The following FLT1 variants were observed in gnomAD, a reference collection of about 807,000 sequenced individuals.
FLT1 encodes vascular endothelial growth factor receptor 1.
In FLT1, 49 loss-of-function variants were observed where a neutral mutation model predicts 156.3. That is an observed-to-expected ratio of 0.31 (90% CI 0.25 to 0.40). FLT1 has a LOEUF of 0.40. FLT1 is among the 10% of genes least tolerant of loss of function. The pLI is 1.00. For missense variants in FLT1, 1,322 were observed against 1,637.2 expected, an observed-to-expected ratio of 0.81 and a Z score of 3.32; for synonymous variants, 594 against 583.8, an observed-to-expected ratio of 1.02 and a Z score of -0.25.
At chr13:28,438,942 T>C (rs1430741926) in intron 3 of FLT1, among the ~76,000 whole-genome samples, 4 of 152,214 alleles carry the variant, frequency 2.6e-5, no homozygotes, top group African/African-American at 9.6e-5. Context: ...GGAGAAGCTG[T>C]GTTGAATGCT....
rs539432822 is a variant in FLT1 at position 28,389,229 on chromosome 13, T to C, written c.1969+567A>G. 1.6e-4 allele frequency: 179 copies of C among 1,114,928 alleles called. No individual in the cohort carries two copies. In the South Asian group the frequency reaches 7.1e-3, roughly 44 times the overall value. 69.1% of individuals were successfully genotyped at this position (1,114,928 alleles called of 1,614,324 possible). On this transcript the variant is annotated intron_variant, in intron 13 of 29. Coordinates refer to ENST00000282397, the MANE Select transcript of FLT1 (RefSeq NM_002019.4). Reference sequence around the variant, plus strand: ...ATTTACAAATCAAGAGCAGATGAAATAGTCCCAAATAAAACCAGGCAGAAG... The same window carrying C: ...ATTTACAAATCAAGAGCAGATGAAACAGTCCCAAATAAAACCAGGCAGAAG...
rs2137622852 is a variant in FLT1, at chr13:28,467,132, G to A, written c.162-3C>T. 2 of 1,608,388 alleles carry A rather than the reference G, an allele frequency of 1.2e-6. No homozygotes were observed. Among genetic ancestry groups the A allele is most frequent in the Non-Finnish European group, 1.7e-6 (2 of 1,175,660 alleles). On this transcript the variant is annotated splice_polypyrimidine_tract_variant and splice_region_variant and intron_variant, in intron 2 of 29. Coordinates refer to ENST00000282397, the MANE Select transcript of FLT1 (RefSeq NM_002019.4). ...ACCATTTATGGGCTGCTTCCCCCCTGCAATCACAGATAAGAAAACAAAACA... is the reference window on the plus strand; with the variant it reads ...ACCATTTATGGGCTGCTTCCCCCCTACAATCACAGATAAGAAAACAAAACA...
chr13:28,300,935 TTTTC>T lies in FLT1; in HGVS notation c.*2228_*2231del, dbSNP rs1870488497. The stretch of plus-strand genomic sequence containing the variant: ...CTAGCTCATTATTACAAGTCTCCAT[TTTTC>T]TTTCTACATTAAGACTCCAGATGGA... On this transcript the variant is annotated 3_prime_UTR_variant, in exon 30 of 30. Transcript: ENST00000282397. The T allele has an allele frequency of 8.6e-6, 2 of 233,038 alleles. No individual in the cohort carries two copies. The allele number at this position is 233,038 out of a possible 1,614,324, so 14.4% of individuals were successfully genotyped here.
intron 14 of FLT1, chr13:28,368,537 AG>A: frequency 1.3e-6 from 2 of 1,544,098 alleles, no homozygotes; most frequent in Non-Finnish European, 1.7e-6. Flanking sequence ...AATAAATGGT[AG>A]CTATGATGAT....
At chr13:28,487,939 C>G (rs544557154) in intron 1 of FLT1, among the ~76,000 whole-genome samples, 2 of 151,810 alleles carry the variant, frequency 1.3e-5, no homozygotes, top group South Asian at 4.2e-4. Flanking sequence ...GATTACAAGT[C>G]TAAGCCAAGT....
intron 11 of FLT1, among the ~76,000 whole-genome samples, chr13:28,400,825 T>G (rs1300928955): frequency 6.6e-6 from 1 of 152,262 alleles, no homozygotes; most frequent in Non-Finnish European, 1.5e-5. Flanking sequence ...AATAAATTCT[T>G]AAGGATATCT....
rs1239156592 is a variant in FLT1 at position 28,438,350 on chromosome 13, A to G, written c.389-5T>C. ...CTACGAAAGGTCTACCTGTATCTGA[A>G]TGAGAAGAAAATGAAAAAAATATAT... On this transcript the variant is annotated splice_region_variant and splice_polypyrimidine_tract_variant and intron_variant, in intron 3 of 29. Coordinates refer to ENST00000282397, the MANE Select transcript of FLT1 (RefSeq NM_002019.4). 2 of 1,606,816 alleles carry G rather than the reference A, an allele frequency of 1.2e-6. No individual in the cohort carries two copies. Among genetic ancestry groups the G allele is most frequent in the South Asian group, 1.1e-5 (1 of 90,898 alleles).
At position 28,312,014 on chromosome 13, in the gene FLT1, C is replaced by T. The variant is rs573870646; in HGVS notation, c.3471G>A (p.Leu1157=). 2.5e-6 allele frequency: 4 copies of T among 1,612,750 alleles called. No individual in the cohort carries two copies. Among genetic ancestry groups the T allele is most frequent in the South Asian group, 1.1e-5 (1 of 91,052 alleles). ...FAELVEKLGD[L]LQANVQQDGK... is the part of the protein sequence containing the mutation. ...TTACCTGTTGTACATTTGCTTGAAG[C>T]AAATCACCTAGTTTTTCCACAAGTT... The change falls in exon 26 of 30, where the codon TTG becomes TTA. Residue 1157 remains leucine, a synonymous_variant. Transcript: ENST00000282397.
intron 29 of FLT1, among the ~76,000 whole-genome samples, chr13:28,303,744 A>T (rs1013151538): frequency 1.3e-5 from 2 of 152,016 alleles, no homozygotes; most frequent in Non-Finnish European, 2.9e-5. Flanking sequence ...AAATATTCAA[A>T]TTTTTCATAT....
chr13:28,443,680 A>G (rs1205861775), intron 3 of FLT1, among the ~76,000 whole-genome samples: 3 of 152,236 alleles, frequency 2.0e-5, no homozygotes, highest in Non-Finnish European at 4.4e-5. Context: ...AATCCCATGA[A>G]AAGGGTTCTA....
intron 29 of FLT1, among the ~76,000 whole-genome samples, chr13:28,305,284 T>C (rs73451126): frequency 0.056 from 8,524 of 152,218 alleles, 792 homozygotes; most frequent in African/African-American, 0.19. Context: ...AGTGTAGTGG[T>C]GCAATTGTGG....
intron 6 of FLT1, 48 bp downstream of exon 6, chr13:28,433,771 T>C: frequency 1.9e-6 from 3 of 1,585,792 alleles, no homozygotes; most frequent in Non-Finnish European, 2.6e-6. Context: ...GGATTTCACT[T>C]GCTTAAAATA....
chr13:28,338,328 A>G lies in FLT1; in HGVS notation c.2488+840T>C, dbSNP rs902840509. On this transcript the variant is annotated intron_variant, in intron 17 of 29. Coordinates refer to ENST00000282397, the MANE Select transcript of FLT1 (RefSeq NM_002019.4). Reference sequence around the variant, plus strand: ...CACTGGATCCACAATCTGTTTTCTTAGTTCCAACTACTAATGACTCTGGCA... The same window carrying G: ...CACTGGATCCACAATCTGTTTTCTTGGTTCCAACTACTAATGACTCTGGCA... Among the ~76,000 whole-genome samples the G allele has an allele frequency of 3.3e-5, 5 of 152,146 alleles. No homozygotes were observed. The East Asian group carries it at 7.8e-4, about 24-fold the overall frequency.
At chr13:28,388,024 TTC>T (rs1874472183) in intron 13 of FLT1, 2 of 1,058,690 alleles carry the variant, frequency 1.9e-6, no homozygotes. Context: ...CCCTCAATCA[TTC>T]TGTTTGCTTT....
chr13:28,400,137 C>T (rs1206359314), intron 11 of FLT1, among the ~76,000 whole-genome samples: 1 of 152,196 alleles, frequency 6.6e-6, no homozygotes, highest in Non-Finnish European at 1.5e-5. Flanking sequence ...AGTTGAATAA[C>T]ACAGATCTAT....
At chr13:28,319,595 A>T in intron 23 of FLT1, 61 bp from the exon 24 acceptor site, 1 of 954,950 alleles carries the variant, frequency 1.0e-6, no homozygotes, top group Non-Finnish European at 1.7e-6. Context: ...ATTCAACCCG[A>T]GTGTCCATGG....
Position 28,303,496 on chromosome 13 carries a change from C to G in FLT1, c.3816-128G>C, listed in dbSNP as rs867161777. 1.5e-5 allele frequency: 12 copies of G among 799,214 alleles called. No homozygotes were observed. The African/African-American group carries it at 1.7e-4, about 11-fold the overall frequency. The allele number at this position is 799,214 out of a possible 1,614,324, so 49.5% of individuals were successfully genotyped here. ...TCTAGAGTTCATGGTTTTGGAACCC[C>G]CCCCCCCTCAATTGCTGTCAGATTT... On this transcript the variant is annotated intron_variant, in intron 29 of 29. Coordinates refer to ENST00000282397, the MANE Select transcript of FLT1 (RefSeq NM_002019.4).
intron 17 of FLT1, among the ~76,000 whole-genome samples, chr13:28,336,352 A>G (rs1872114912): frequency 6.6e-6 from 1 of 152,176 alleles, no homozygotes; most frequent in African/African-American, 2.4e-5. Context: ...CCTTCTGCAG[A>G]CCCATGGTTC....
intron 20 of FLT1, among the ~76,000 whole-genome samples, chr13:28,323,975 G>A (rs774246484): frequency 1.3e-5 from 2 of 152,110 alleles, no homozygotes; most frequent in Non-Finnish European, 2.9e-5. Context: ...CCAAGCCCTG[G>A]TTCATTTGGC....
Sources: allele counts gnomAD v4.1 joint callset (sites outside exome capture counted in the v4.1 genomes callset), GRCh38; gene constraint gnomAD v4.1.1; transcripts MANE v1.5; gene names NCBI Gene and HGNC (gene_info 2026-07-23, HGNC 2026-07-21).